Variants in CSMD1 observed in about 807,000 individuals in gnomAD.
The protein encoded by CSMD1 is CUB and sushi domain-containing protein 1.
CSMD1 carries 213 observed loss-of-function variants against 417.5 expected under a neutral mutation model. The ratio of observed to expected loss-of-function variants is 0.51; its 90% CI spans 0.46 to 0.57. The LOEUF (loss-of-function observed/expected upper bound fraction) is 0.57, where lower values mean the gene tolerates loss of function less well. Among genes scored for constraint, CSMD1 ranks in the 20% least tolerant of loss-of-function variants. The probability of loss-of-function intolerance (pLI) is 0.00; values close to 1 mark genes in which losing one functional copy is unlikely to be tolerated. For synonymous variants in CSMD1, 2,862 were observed against 1,736.8 expected (o/e 1.65, Z -16.11); for missense variants, 6,923 against 4,529.7 (o/e 1.53, Z -15.17).
At chr8:4,887,602 T>A in intron 1 of CSMD1, among the ~76,000 whole-genome samples, 1 of 152,182 alleles carries the variant, frequency 6.6e-6, no homozygotes, top group East Asian at 1.9e-4. Context: ...TATTTCTGCT[T>A]TTTAATTCTA....
intron 8 of CSMD1, among the ~76,000 whole-genome samples, chr8:3,597,396 A>G (rs1237466431): frequency 3.3e-5 from 3 of 89,694 alleles, no homozygotes; most frequent in Non-Finnish European, 6.2e-5. Context: ...GCTGATTTCT[A>G]TGGAATCCCA....
intron 30 of CSMD1, among the ~76,000 whole-genome samples, chr8:3,208,611 A>C (rs940423598): frequency 6.6e-5 from 10 of 152,072 alleles, no homozygotes; most frequent in Non-Finnish European, 1.3e-4. Context: ...GATTGGATTG[A>C]AGGATAGAAA....
chr8:4,286,982 C>G (rs927837462), intron 3 of CSMD1, among the ~76,000 whole-genome samples: 1 of 152,052 alleles, frequency 6.6e-6, no homozygotes, highest in East Asian at 1.9e-4. Context: ...CTGACATCCA[C>G]GCCAAGTAAA....
At chr8:4,816,920 C>T (rs184540259) in intron 1 of CSMD1, among the ~76,000 whole-genome samples, 39 of 152,212 alleles carry the variant, frequency 2.6e-4, no homozygotes, top group African/African-American at 9.1e-4. Context: ...CAATCACTCC[C>T]ATCTACTGCC....
chr8:4,925,682 G>T (rs961232567), intron 1 of CSMD1, among the ~76,000 whole-genome samples: 2 of 152,032 alleles, frequency 1.3e-5, no homozygotes, highest in East Asian at 1.9e-4. Flanking sequence ...AAGTAGCTGG[G>T]ACTACAGGCG....
intron 6 of CSMD1, among the ~76,000 whole-genome samples, chr8:3,749,268 T>C (rs935592569): frequency 1.3e-5 from 2 of 152,214 alleles, no homozygotes; most frequent in African/African-American, 4.8e-5. Context: ...AAATCTTACA[T>C]TCAACCACAG....
intron 10 of CSMD1, among the ~76,000 whole-genome samples, chr8:3,542,452 G>C (rs1377812881): frequency 6.6e-6 from 1 of 152,190 alleles, no homozygotes; most frequent in Admixed American, 6.5e-5. Context: ...GAATGAAACT[G>C]ACAGTCTCTG....
At chr8:4,454,837 T>G (rs1312597076) in intron 2 of CSMD1, among the ~76,000 whole-genome samples, 1 of 152,078 alleles carries the variant, frequency 6.6e-6, no homozygotes, top group Non-Finnish European at 1.5e-5. Flanking sequence ...GAGCAAAGGT[T>G]TTTTTCCACA....
intron 1 of CSMD1, among the ~76,000 whole-genome samples, chr8:4,883,874 G>A (rs371003184): frequency 2.6e-5 from 4 of 151,904 alleles, no homozygotes; most frequent in Admixed American, 6.6e-5. Context: ...GGGTCATATG[G>A]TAACTTTATG....
intron 7 of CSMD1, among the ~76,000 whole-genome samples, chr8:3,659,230 G>C (rs1798285295): frequency 1.3e-5 from 2 of 152,200 alleles, no homozygotes; most frequent in Admixed American, 6.5e-5. Context: ...AGGTGAAATT[G>C]TGTATATTTA....
intron 3 of CSMD1, among the ~76,000 whole-genome samples, chr8:4,231,150 A>T (rs764590685): frequency 5.3e-5 from 8 of 152,208 alleles, no homozygotes; most frequent in Non-Finnish European, 1.0e-4. Flanking sequence ...AACTAACAGG[A>T]TATTGATATA....
chr8:3,286,396 G>C (rs576945494), intron 25 of CSMD1, among the ~76,000 whole-genome samples: 13 of 152,050 alleles, frequency 8.5e-5, no homozygotes, highest in Admixed American at 5.2e-4. Context: ...CCTGAGGAAT[G>C]GCCACACTGA....
chr8:4,969,023 G>A (rs1458360803), intron 1 of CSMD1, among the ~76,000 whole-genome samples: 2 of 152,146 alleles, frequency 1.3e-5, no homozygotes, highest in Non-Finnish European at 2.9e-5. Flanking sequence ...CTTCTGGAAA[G>A]CCACTATTCA....
intron 5 of CSMD1, among the ~76,000 whole-genome samples, chr8:3,809,519 G>A (rs766851075): frequency 6.6e-6 from 1 of 152,172 alleles, no homozygotes; most frequent in Non-Finnish European, 1.5e-5. Flanking sequence ...GGTCATCCCA[G>A]AAATTAGTGG....
intron 10 of CSMD1, among the ~76,000 whole-genome samples, chr8:3,553,656 CTT>C (rs1563147512): frequency 6.6e-6 from 1 of 152,136 alleles, no homozygotes; most frequent in African/African-American, 2.4e-5. Context: ...CAACTTGACT[CTT>C]TGTTAACTTG....
chr8:2,951,435 G>T (rs766248778), intron 65 of CSMD1, among the ~76,000 whole-genome samples, 160 bp from the exon 66 acceptor site: 1 of 152,198 alleles, frequency 6.6e-6, no homozygotes, highest in African/African-American at 2.4e-5. Context: ...CACAGCACGT[G>T]CAAAACTCAA....
At chr8:4,640,212 C>T (rs746801478) in intron 1 of CSMD1, among the ~76,000 whole-genome samples, 32 of 152,294 alleles carry the variant, frequency 2.1e-4, no homozygotes, top group Non-Finnish European at 4.3e-4. Flanking sequence ...TTGATCCATT[C>T]ATTGACATTC....
At chr8:4,088,350 A>G (rs912396300) in intron 3 of CSMD1, among the ~76,000 whole-genome samples, 2 of 152,228 alleles carry the variant, frequency 1.3e-5, no homozygotes, top group African/African-American at 2.4e-5. Context: ...TTTGCAGCAC[A>G]GAAGACGGAA....
intron 3 of CSMD1, among the ~76,000 whole-genome samples, chr8:4,147,110 C>G (rs541036101): frequency 6.6e-6 from 1 of 152,030 alleles, no homozygotes; most frequent in East Asian, 1.9e-4. Flanking sequence ...GAACCATCCC[C>G]TCCTGACCAA....
Sources: gnomAD v4.1 joint callset for allele counts (sites outside exome capture counted in the v4.1 genomes callset) on GRCh38, gnomAD v4.1.1 for gene constraint, MANE v1.5 for transcripts, NCBI Gene and HGNC (gene_info 2026-07-23, HGNC 2026-07-21) for gene names.